Variants in PDE1C observed in about 807,000 individuals in gnomAD.
PDE1C encodes the protein phosphodiesterase 1C, also known as dual specificity calcium/calmodulin-dependent 3',5'-cyclic nucleotide phosphodiesterase 1C.
A neutral mutation model predicts 93.1 loss-of-function variants in PDE1C; 62 were observed. The ratio of observed to expected loss-of-function variants is 0.67; its 90% CI spans 0.54 to 0.82. The LOEUF (loss-of-function observed/expected upper bound fraction) is 0.82, where lower values mean the gene tolerates loss of function less well. Ranked by LOEUF, PDE1C falls within the 40% of genes least tolerant of loss-of-function variation. PDE1C has a pLI of 0.00. For synonymous variants in PDE1C, 325 were observed against 310.1 expected (o/e 1.05, Z -0.50); for missense variants, 742 against 884.6 (o/e 0.84, Z 2.04).
At chr7:32,028,500 GTTATTA>G (rs997694208) in intron 2 of PDE1C, among the ~76,000 whole-genome samples, 1 of 151,734 alleles carries the variant, frequency 6.6e-6, no homozygotes. Context: ...GTTTCTTATT[GTTATTA>G]TTATTATTAC....
the PDE1C span, among the ~76,000 whole-genome samples, chr7:31,621,553 T>C: frequency 6.8e-6 from 1 of 147,028 alleles, no homozygotes; most frequent in African/African-American, 2.5e-5. Context: ...GACAAGCAAA[T>C]GCTGAGAGAT....
intron 3 of PDE1C, among the ~76,000 whole-genome samples, chr7:32,114,309 A>G (rs1156947672): frequency 1.3e-5 from 2 of 152,222 alleles, no homozygotes; most frequent in Non-Finnish European, 2.9e-5. Flanking sequence ...GGCCTCAGAA[A>G]TAACACCACA....
chr7:31,997,625 G>A (rs1027316257), intron 2 of PDE1C, among the ~76,000 whole-genome samples: 1 of 152,130 alleles, frequency 6.6e-6, no homozygotes, highest in Non-Finnish European at 1.5e-5. Context: ...CAGCTATCTG[G>A]TAAGTACCTA....
chr7:31,932,349 A>T (rs1255710419), intron 2 of PDE1C, among the ~76,000 whole-genome samples: 1 of 151,946 alleles, frequency 6.6e-6, no homozygotes, highest in East Asian at 1.9e-4. Flanking sequence ...AGAATCTACA[A>T]GGAACTTAAA....
intron 2 of PDE1C, among the ~76,000 whole-genome samples, chr7:31,910,039 A>G (rs1252027399): frequency 6.6e-6 from 1 of 152,198 alleles, no homozygotes; most frequent in African/African-American, 2.4e-5. Flanking sequence ...TGGGAGGTCA[A>G]ATCTCTCCTA....
intron 16 of PDE1C, chr7:31,784,891 A>G (rs1783760710): frequency 6.6e-6 from 1 of 152,168 alleles, no homozygotes; most frequent in South Asian, 2.1e-4. Flanking sequence ...CTATCCATCT[A>G]TATATATTAA....
At chr7:31,673,958 A>G in the PDE1C span, among the ~76,000 whole-genome samples, 8 of 152,210 alleles carry the variant, frequency 5.3e-5, no homozygotes, top group Non-Finnish European at 8.8e-5. Flanking sequence ...GAAAATTCAG[A>G]AAAACTTGCT....
At chr7:32,297,308 C>A (rs959556234) in intron 1 of PDE1C, among the ~76,000 whole-genome samples, 2 of 152,056 alleles carry the variant, frequency 1.3e-5, no homozygotes, top group African/African-American at 4.8e-5. Flanking sequence ...GCAGACACAG[C>A]CCACAAAAAG....
intron 1 of PDE1C, among the ~76,000 whole-genome samples, chr7:32,269,672 G>A (rs1169990007): frequency 2.6e-5 from 4 of 152,074 alleles, no homozygotes; most frequent in Non-Finnish European, 4.4e-5. Flanking sequence ...TAGAGACGGG[G>A]TTTCACCATA....
chr7:32,344,357 T>C (rs973832913), intron 1 of PDE1C, among the ~76,000 whole-genome samples: 1 of 152,210 alleles, frequency 6.6e-6, no homozygotes, highest in Admixed American at 6.5e-5. Flanking sequence ...ATTACAGGCA[T>C]GAGCTACCAC....
At chr7:31,969,217 G>C (rs1810527745) in intron 2 of PDE1C, among the ~76,000 whole-genome samples, 1 of 152,000 alleles carries the variant, frequency 6.6e-6, no homozygotes, top group African/African-American at 2.4e-5. Context: ...CTACAGAATG[G>C]GAGAAAATGT....
At chr7:32,005,578 A>AAAAAAAAAAAC (rs1204630246) in intron 2 of PDE1C, among the ~76,000 whole-genome samples, 2,629 of 103,542 alleles carry the variant, frequency 0.025, 274 homozygotes, top group Non-Finnish European at 0.038. Flanking sequence ...AAAAAAAAAA[A>AAAAAAAAAAAC]AAAGAATTGT....
chr7:31,935,714 T>C (rs757063852), intron 2 of PDE1C, among the ~76,000 whole-genome samples: 4 of 152,150 alleles, frequency 2.6e-5, no homozygotes, highest in Middle Eastern at 3.2e-3. Flanking sequence ...AAAGTTAGGA[T>C]GCATGTGCTA....
intron 3 of PDE1C, among the ~76,000 whole-genome samples, chr7:32,077,389 G>A (rs1357107617): frequency 6.6e-6 from 1 of 152,008 alleles, no homozygotes; most frequent in Non-Finnish European, 1.5e-5. Context: ...TCTAGGGGTG[G>A]GCAGAGCACC....
At chr7:32,027,502 T>C (rs1405256577) in intron 2 of PDE1C, among the ~76,000 whole-genome samples, 1 of 150,754 alleles carries the variant, frequency 6.6e-6, no homozygotes, top group Non-Finnish European at 1.5e-5. Context: ...GAATGCTAAA[T>C]TTACCAACAT....
chr7:32,212,513 C>A (rs1310447691), intron 1 of PDE1C, among the ~76,000 whole-genome samples: 2 of 152,146 alleles, frequency 1.3e-5, no homozygotes, highest in Admixed American at 1.3e-4. Context: ...ATGCTGTAGC[C>A]CCTACAGAAC....
intron 1 of PDE1C, among the ~76,000 whole-genome samples, chr7:32,343,010 T>G (rs971016383): frequency 3.3e-5 from 5 of 152,160 alleles, no homozygotes; most frequent in African/African-American, 1.2e-4. Context: ...TACAGGCATT[T>G]CTCCTGAAAT....
At chr7:32,072,267 G>A (rs193296754), upstream of PDE1C, among the ~76,000 whole-genome samples, 43 of 152,294 alleles carry the variant, frequency 2.8e-4, no homozygotes, top group South Asian at 4.1e-4. Context: ...GATGAAAAAC[G>A]ACTTACCTAC....
intron 3 of PDE1C, among the ~76,000 whole-genome samples, chr7:32,101,242 A>G (rs1798020943): frequency 6.6e-6 from 1 of 152,230 alleles, no homozygotes. Context: ...CCTTAAAAGT[A>G]ATGATAAAAA....
Sources: gnomAD v4.1 joint callset for allele counts (sites outside exome capture counted in the v4.1 genomes callset) on GRCh38, gnomAD v4.1.1 for gene constraint, MANE v1.5 for transcripts, NCBI Gene and HGNC (gene_info 2026-07-23, HGNC 2026-07-21) for gene names.